The following FBXO7 variants were observed in gnomAD, a reference collection of about 807,000 sequenced individuals.
FBXO7 encodes the protein F-box protein 7.
A neutral mutation model predicts 50.2 loss-of-function variants in FBXO7; 31 were observed. The ratio of observed to expected loss-of-function variants is 0.62; its 90% CI spans 0.46 to 0.83. The LOEUF (loss-of-function observed/expected upper bound fraction) is 0.83, where lower values mean the gene tolerates loss of function less well. FBXO7 is among the 40% of genes least tolerant of loss of function. The pLI is 0.00. For missense variants in FBXO7, 667 were observed against 646.6 expected, an observed-to-expected ratio of 1.03 and a Z score of -0.34; for synonymous variants, 256 against 253.1, an observed-to-expected ratio of 1.01 and a Z score of -0.11.
intron 2 of FBXO7, among the ~76,000 whole-genome samples, chr22:32,482,977 A>C (rs536054908): frequency 1.3e-5 from 2 of 152,338 alleles, no homozygotes; most frequent in East Asian, 1.9e-4. Context: ...GAAGTGGAAA[A>C]TACTGGGATG....
rs1208735268 is a variant in FBXO7, at chr22:32,498,256, G to T, written c.1295G>T (p.Arg432Met). The T allele has an allele frequency of 1.2e-6, 2 of 1,614,144 alleles. No individual in the cohort carries two copies. Among genetic ancestry groups the T allele is most frequent in the East Asian group, 4.5e-5 (2 of 44,876 alleles). Residue 432 changes from arginine (R) to methionine (M), a missense_variant, in exon 9 of 9, where the codon AGG (arginine) becomes ATG (methionine). Coordinates refer to ENST00000266087, the MANE Select transcript of FBXO7 (RefSeq NM_012179.4). ...IPFYPNPLHP[R>M]PFPSSRLPPG... ...TTCTATCCCAACCCCTTGCACCCTA[G>T]GCCATTTCCTAGCTCCCGCCTTCCT...
intron 2 of FBXO7, 118 bp downstream of exon 2, chr22:32,479,393 A>G: frequency 3.5e-6 from 3 of 861,466 alleles, no homozygotes; most frequent in East Asian, 2.9e-5. Context: ...TTTTATATAT[A>G]TTTTTTTCTT....
At chr22:32,494,111 A>AAG (rs1283555142) in intron 7 of FBXO7, among the ~76,000 whole-genome samples, 1 of 149,276 alleles carries the variant, frequency 6.7e-6, no homozygotes, top group Non-Finnish European at 1.5e-5. Flanking sequence ...CTCCCTTAAA[A>AAG]AAAAAAAAAA....
In FBXO7 at chr22:32,498,683, C is replaced by T. The variant is rs1568981760; in HGVS notation, c.*153C>T. The stretch of plus-strand genomic sequence containing the variant: ...CCTTTTAAGAGATACATTTATAGCC[C>T]TAGGGGTGGTATGACCCAAAGGTTC... On this transcript the variant is annotated 3_prime_UTR_variant, in exon 9 of 9. Coordinates refer to ENST00000266087, the MANE Select transcript of FBXO7 (RefSeq NM_012179.4). 1 of 929,884 alleles carries T rather than the reference C, an allele frequency of 1.1e-6. No individual in the cohort carries two copies. Among genetic ancestry groups the T allele is most frequent in the East Asian group, 2.6e-5 (1 of 37,926 alleles). The allele number at this position is 929,884 out of a possible 1,614,324, so 57.6% of individuals were successfully genotyped here.
chr22:32,481,262 G>A (rs1227340251), intron 2 of FBXO7, among the ~76,000 whole-genome samples: 1 of 152,180 alleles, frequency 6.6e-6, no homozygotes, highest in African/African-American at 2.4e-5. Flanking sequence ...CTGCCTCATA[G>A]AGGTAAACTG....
Position 32,484,082 on chromosome 22 carries a change from G to A in FBXO7, c.603G>A (p.Val201=), listed in dbSNP as rs748979295. The change falls in exon 3 of 9, where the codon GTG becomes GTA. Residue 201 remains valine, a synonymous_variant. Transcript: ENST00000266087. ...DCSDANDALI[V]LIHLLMLESG... is the part of the protein sequence containing the mutation. The stretch of plus-strand genomic sequence containing the variant: ...CTGATGCCAATGATGCCTTGATAGT[G>A]TTGATACATCTTCTCATGTTGGAGT... 1.2e-6 allele frequency: 2 copies of A among 1,614,176 alleles called. No homozygotes were observed. Among genetic ancestry groups the A allele is most frequent in the Admixed American group, 1.7e-5 (1 of 60,020 alleles).
rs920122295 is a variant in FBXO7, at chr22:32,479,198, A to C, written c.340A>C (p.Ser114Arg). The change falls in exon 2 of 9, where the codon AGC (serine) becomes CGC (arginine). Residue 114 changes from serine (S) to arginine (R), a missense_variant. Ser to Arg is a moderately radical substitution (Grantham distance 110). Coordinates refer to ENST00000266087, the MANE Select transcript of FBXO7 (RefSeq NM_012179.4). ...PSLATSSNQT[S>R]MQDEQPSDSF... ...TTTGGCCACCAGCTCCAATCAGACT[A>C]GCATGCAGGATGAACAACCAAGTGA... 1.9e-6 allele frequency: 3 copies of C among 1,613,920 alleles called. No individual in the cohort carries two copies. The highest frequency in any genetic ancestry group is 2.7e-5 in the African/African-American group (2 of 74,886).
chr22:32,475,362 A>C, intron 1 of FBXO7: 1 of 1,609,782 alleles, frequency 6.2e-7, no homozygotes, highest in Non-Finnish European at 8.5e-7. Context: ...CCTGGAGAAC[A>C]TGGCCCGGCC....
intron 5 of FBXO7, chr22:32,489,203 C>G (rs1481111926): frequency 6.6e-6 from 1 of 152,192 alleles, no homozygotes; most frequent in African/African-American, 2.4e-5. Context: ...CCCTCAATCT[C>G]TCTCCTTCAT....
At chr22:32,478,564 A>G (rs2247590) in intron 1 of FBXO7, among the ~76,000 whole-genome samples, 95,865 of 151,934 alleles carry the variant, frequency 0.63, 30,442 homozygotes, top group East Asian at 0.69. Context: ...TAATTTTCTC[A>G]AAACTATAAG....
At chr22:32,486,352 G>GAA (rs1296944725) in intron 4 of FBXO7, among the ~76,000 whole-genome samples, 1 of 148,724 alleles carries the variant, frequency 6.7e-6, no homozygotes, top group Non-Finnish European at 1.5e-5. Context: ...TCTTTTTTTT[G>GAA]AGACAGGGTC....
At position 32,498,274 on chromosome 22, in the gene FBXO7, G is replaced by A. The variant is rs781581685; in HGVS notation, c.1313G>A (p.Arg438His). The A allele has an allele frequency of 1.2e-6, 2 of 1,614,036 alleles. No individual in the cohort carries two copies. The highest frequency in any genetic ancestry group is 1.7e-6 in the Non-Finnish European group (2 of 1,180,002). Residue 438 changes from arginine to histidine, a missense_variant, in exon 9 of 9, where the codon CGC (arginine) becomes CAC (histidine). By Grantham distance (29) the Arg-to-His change is conservative. Transcript: ENST00000266087. ...PLHPRPFPSS[R>H]LPPGIIGGEY... ...CACCCTAGGCCATTTCCTAGCTCCC[G>A]CCTTCCTCCAGGAATTATCGGGGGT... is the stretch of plus-strand genomic sequence containing the variant.
intron 1 of FBXO7, among the ~76,000 whole-genome samples, chr22:32,476,869 A>G (rs995677950): frequency 2.0e-5 from 3 of 152,196 alleles, no homozygotes; most frequent in African/African-American, 4.8e-5. Context: ...GGAAAACTAT[A>G]TATTACTTTA....
chr22:32,495,335 C>T (rs527947302), intron 7 of FBXO7, among the ~76,000 whole-genome samples, 158 bp from the exon 8 acceptor site: 1 of 150,210 alleles, frequency 6.7e-6, no homozygotes, highest in South Asian at 2.1e-4. Context: ...TAAGAAAGTA[C>T]AAATGATATA....
At chr22:32,475,363 T>C (rs1186340373) in intron 1 of FBXO7, 3 of 1,609,648 alleles carry the variant, frequency 1.9e-6, no homozygotes, top group Non-Finnish European at 2.5e-6. Context: ...CTGGAGAACA[T>C]GGCCCGGCCT....
At chr22:32,475,339 C>G (rs1568970078) in intron 1 of FBXO7, 1 of 1,608,192 alleles carries the variant, frequency 6.2e-7, no homozygotes, top group Non-Finnish European at 8.5e-7. Flanking sequence ...GGGTGGTCGG[C>G]TGGGGTCCGG....
chr22:32,484,567 C>T (rs929747256), intron 3 of FBXO7, among the ~76,000 whole-genome samples: 1 of 152,076 alleles, frequency 6.6e-6, no homozygotes, highest in African/African-American at 2.4e-5. Flanking sequence ...TATTTCTTGT[C>T]TTCAAGGAGT....
chr22:32,498,638 G>C lies in FBXO7; in HGVS notation c.*108G>C. 7.4e-7 allele frequency: 1 copy of C among 1,345,982 alleles called. No individual in the cohort carries two copies. Among genetic ancestry groups the C allele is most frequent in the Non-Finnish European group, 1.0e-6 (1 of 974,562 alleles). 83.4% of individuals were successfully genotyped at this position (1,345,982 alleles called of 1,614,324 possible). Reference sequence around the variant, plus strand: ...AGTGTTATTTTCTGATTGTGGTGTTGAGAGTTGCACTCCCAGAAACCTTTT... The same window carrying C: ...AGTGTTATTTTCTGATTGTGGTGTTCAGAGTTGCACTCCCAGAAACCTTTT... On this transcript the variant is annotated 3_prime_UTR_variant, in exon 9 of 9. Transcript: ENST00000266087.
At chr22:32,476,182 G>A (rs2057427428) in intron 1 of FBXO7, among the ~76,000 whole-genome samples, 1 of 151,690 alleles carries the variant, frequency 6.6e-6, no homozygotes, top group Non-Finnish European at 1.5e-5. Flanking sequence ...TAGATTGAAA[G>A]TAAGCCTGTT....
Sources: gnomAD v4.1 joint callset for allele counts (sites outside exome capture counted in the v4.1 genomes callset) on GRCh38, gnomAD v4.1.1 for gene constraint, MANE v1.5 for transcripts, NCBI Gene and HGNC (gene_info 2026-07-23, HGNC 2026-07-21) for gene names.